EPHA6: variants seen among roughly 807,000 people sequenced by gnomAD.
EPHA6 encodes the protein EPH receptor A6.
EPHA6 carries 50 observed loss-of-function variants against 112.0 expected under a neutral mutation model. The observed-to-expected ratio is 0.45, with a 90% confidence interval of 0.36 to 0.56. The LOEUF (loss-of-function observed/expected upper bound fraction) is 0.56. Ranked by LOEUF, EPHA6 falls within the 20% of genes least tolerant of loss-of-function variation. The pLI is 0.00. For synonymous variants in EPHA6, 529 were observed against 490.7 expected, an observed-to-expected ratio of 1.08 and a Z score of -1.03; for missense variants, 1,280 against 1,417.4, an observed-to-expected ratio of 0.90 and a Z score of 1.56.
rs187687156 is a variant in EPHA6 at position 97,623,960 on chromosome 3, C to A, written c.2574+13106C>A. ...ATGTGAATCCTCCAGCTTTGCTCTT[C>A]TCTGTTGGTTATCTAAGGTCCCTTG... is the stretch of plus-strand genomic sequence containing the variant. On this transcript the variant is annotated intron_variant, in intron 13 of 17. Transcript: ENST00000389672. 5.9e-5 allele frequency among the ~76,000 whole-genome samples: 9 copies of A among 151,564 alleles called. No individual in the cohort carries two copies. In the East Asian group the frequency reaches 1.8e-3, roughly 30 times the overall value.
chr3:97,031,760 C>A lies in EPHA6; in HGVS notation c.1114+43767C>A, dbSNP rs529202882. On this transcript the variant is annotated intron_variant, in intron 3 of 17. Transcript: ENST00000389672. ...AACCACAATGAGATACCATCTCACACCATTTAGAATGGCGATCATTAAAAA... is the reference window on the plus strand; with the variant it reads ...AACCACAATGAGATACCATCTCACAACATTTAGAATGGCGATCATTAAAAA... 5.3e-3 allele frequency among the ~76,000 whole-genome samples: 809 copies of A among 152,168 alleles called. 6 individuals carry two copies. Among genetic ancestry groups the A allele is most frequent in the African/African-American group, 0.018 (730 of 41,518 alleles).
chr3:97,579,190 T>G (rs1348726098), intron 11 of EPHA6, among the ~76,000 whole-genome samples: 1 of 152,240 alleles, frequency 6.6e-6, no homozygotes, highest in Non-Finnish European at 1.5e-5. Context: ...GCTTTTTTCT[T>G]TCTTGAAAGT....
chr3:97,647,673 T>C (rs1019715152), intron 14 of EPHA6, among the ~76,000 whole-genome samples: 1 of 152,160 alleles, frequency 6.6e-6, no homozygotes, highest in Non-Finnish European at 1.5e-5. Flanking sequence ...TTACTGACAG[T>C]TCACATTGTT....
intron 3 of EPHA6, among the ~76,000 whole-genome samples, chr3:97,176,235 G>T (rs74728178): frequency 0.051 from 7,729 of 151,764 alleles, 559 homozygotes; most frequent in Admixed American, 0.2. Context: ...CCTTTGCATT[G>T]CAGGGATAAT....
intron 5 of EPHA6, among the ~76,000 whole-genome samples, chr3:97,250,775 T>A (rs1015009948): frequency 2.6e-5 from 4 of 152,224 alleles, no homozygotes; most frequent in Non-Finnish European, 5.9e-5. Flanking sequence ...GAACTCTGCC[T>A]ACAAAATGAA....
intron 7 of EPHA6, among the ~76,000 whole-genome samples, chr3:97,466,633 T>C (rs2091065179): frequency 6.6e-6 from 1 of 151,958 alleles, no homozygotes; most frequent in Non-Finnish European, 1.5e-5. Context: ...TTTATGTCTC[T>C]GGTAAAAATG....
chr3:97,547,087 T>C (rs2092961552), intron 11 of EPHA6, among the ~76,000 whole-genome samples: 1 of 152,228 alleles, frequency 6.6e-6, no homozygotes, highest in Non-Finnish European at 1.5e-5. Context: ...TCTCCGTCCA[T>C]CTTTGTTCCA....
intron 2 of EPHA6, among the ~76,000 whole-genome samples, chr3:96,885,878 C>T (rs890042780): frequency 2.6e-5 from 4 of 152,124 alleles, no homozygotes; most frequent in South Asian, 2.1e-4. Flanking sequence ...GAACTTTCCT[C>T]TTAGCACCAC....
chr3:97,334,183 T>C (rs1386116522), intron 5 of EPHA6, among the ~76,000 whole-genome samples: 1 of 152,144 alleles, frequency 6.6e-6, no homozygotes, highest in Non-Finnish European at 1.5e-5. Context: ...TTGTTATAGC[T>C]TGCTTAATTA....
chr3:97,448,527 ACT>A lies in EPHA6; in HGVS notation c.1732-38_1732-37del, dbSNP rs780894523. 59 of 1,600,996 alleles carry A rather than the reference ACT, an allele frequency of 3.7e-5. No individual in the cohort carries two copies. The East Asian group carries it at 1.3e-3, about 34-fold the overall frequency. Reference sequence around the variant, plus strand: ...AATGTTTCTAGGAAAAGGTAGAATAACTCTGTTTCATTTCCTTTCTCCTTTTT... The same window carrying A: ...AATGTTTCTAGGAAAAGGTAGAATAACTGTTTCATTTCCTTTCTCCTTTTT... On this transcript the variant is annotated intron_variant, in intron 6 of 17. Transcript: ENST00000389672.
intron 6 of EPHA6, among the ~76,000 whole-genome samples, chr3:97,440,656 A>G (rs1208660275): frequency 6.6e-6 from 1 of 151,362 alleles, no homozygotes; most frequent in Admixed American, 6.6e-5. Context: ...ATTTAAAATG[A>G]AAGACATTAA....
At chr3:97,692,339 G>T (rs1242298123) in intron 14 of EPHA6, among the ~76,000 whole-genome samples, 1 of 151,934 alleles carries the variant, frequency 6.6e-6, no homozygotes, top group African/African-American at 2.4e-5. Context: ...TTTTTAGAAG[G>T]ACTTCTGGAA....
rs569224681 is a variant in EPHA6 at position 97,314,771 on chromosome 3, G to A, written c.1606+70484G>A. On this transcript the variant is annotated intron_variant, in intron 5 of 17. Coordinates refer to ENST00000389672, the MANE Select transcript of EPHA6 (RefSeq NM_001080448.3). ...GAAGATAGAAGTTAAGTTGAAGATGGTCAAAATTAGATAATGAAAGGTTGA... is the reference window on the plus strand; with the variant it reads ...GAAGATAGAAGTTAAGTTGAAGATGATCAAAATTAGATAATGAAAGGTTGA... Among the ~76,000 whole-genome samples, 3 of 151,656 alleles carry A rather than the reference G, an allele frequency of 2.0e-5. No homozygotes were observed. In the South Asian group the frequency reaches 6.2e-4, roughly 31 times the overall value.
intron 5 of EPHA6, among the ~76,000 whole-genome samples, chr3:97,366,184 C>T (rs999971843): frequency 6.6e-6 from 1 of 152,080 alleles, no homozygotes; most frequent in Non-Finnish European, 1.5e-5. Flanking sequence ...TTTATTGATC[C>T]TTTGTATTTC....
At position 97,442,915 on chromosome 3, in the gene EPHA6, A is replaced by G. The variant is rs144819178; in HGVS notation, c.1732-5653A>G. On this transcript the variant is annotated intron_variant, in intron 6 of 17. Transcript: ENST00000389672. ...TTTTCTTTTCCCAGAGCCATGTGAA[A>G]TATCTTCCTTTCATTCAAGTAAAAG... Among the ~76,000 whole-genome samples the G allele has an allele frequency of 5.3e-5, 8 of 152,206 alleles. No homozygotes were observed. In the East Asian group the frequency reaches 1.2e-3, roughly 22 times the overall value.
chr3:96,941,692 A>G (rs963759438), intron 2 of EPHA6, among the ~76,000 whole-genome samples: 2 of 152,080 alleles, frequency 1.3e-5, no homozygotes, highest in Non-Finnish European at 2.9e-5. Context: ...TAGAGTTTCC[A>G]GTTTTTCTGC....
Position 97,542,473 on chromosome 3 carries a change from T to C in EPHA6, c.2386+9930T>C, listed in dbSNP as rs1474959972. Among the ~76,000 whole-genome samples, 3 of 152,224 alleles carry C rather than the reference T, an allele frequency of 2.0e-5. No homozygotes were observed. The East Asian group carries it at 5.8e-4, about 29-fold the overall frequency. ...TATTCCATGGTGTATATGTGCCACA[T>C]TTTCTTAATCCAGTCTATCATTGTT... On this transcript the variant is annotated intron_variant, in intron 11 of 17. Coordinates refer to ENST00000389672, the MANE Select transcript of EPHA6 (RefSeq NM_001080448.3).
chr3:96,851,661 A>C (rs1370214059), intron 1 of EPHA6, among the ~76,000 whole-genome samples: 1 of 152,182 alleles, frequency 6.6e-6, no homozygotes, highest in Non-Finnish European at 1.5e-5. Context: ...GAAAGATATC[A>C]GAAGATGCTT....
intron 1 of EPHA6, 47 bp from the exon 2 acceptor site, chr3:96,866,778 C>T: frequency 2.0e-6 from 2 of 982,798 alleles, no homozygotes; most frequent in South Asian, 2.0e-5. Context: ...TATATTTTTG[C>T]ATTAGTTGAG....
Sources: allele counts gnomAD v4.1 joint callset (sites outside exome capture counted in the v4.1 genomes callset), GRCh38; gene constraint gnomAD v4.1.1; transcripts MANE v1.5; gene names NCBI Gene and HGNC (gene_info 2026-07-23, HGNC 2026-07-21).